TRIM49C: variants seen among roughly 807,000 people sequenced by gnomAD.
TRIM49C encodes the protein tripartite motif-containing protein 49C.
In TRIM49C, 6 loss-of-function variants were observed where a neutral mutation model predicts 21.4. The observed-to-expected ratio is 0.28, with a 90% CI of 0.15 to 0.55. TRIM49C has a LOEUF of 0.55. Among genes scored for constraint, TRIM49C ranks in the 20% least tolerant of loss-of-function variants. TRIM49C has a pLI of 0.94. For missense variants in TRIM49C, 161 were observed against 442.4 expected (o/e 0.36, Z 5.71); for synonymous variants, 57 against 148.1 (o/e 0.38, Z 4.47).
Position 90,041,216 on chromosome 11 carries a change from A to G in TRIM49C, c.1025A>G (p.Tyr342Cys). Residue 342 changes from tyrosine (Y) to cysteine (C), a missense_variant, in exon 8 of 8, where the codon TAC (tyrosine) becomes TGC (cysteine). Coordinates refer to ENST00000448984, the MANE Select transcript of TRIM49C (RefSeq NM_001195234.1). ...GVQTFTSGKY[Y>C]WEVHVGDSWN... ...CAGACTTTCACCTCGGGCAAATATT[A>G]CTGGGAGGTCCATGTAGGGGACTCC... 6.3e-7 allele frequency: 1 copy of G among 1,593,346 alleles called. No homozygotes were observed. The highest frequency in any genetic ancestry group is 8.6e-7 in the Non-Finnish European group (1 of 1,168,954).
the TRIM49C span, among the ~76,000 whole-genome samples, chr11:90,055,956 CTTT>C: frequency 4.1e-5 from 4 of 97,846 alleles, no homozygotes; most frequent in African/African-American, 3.9e-5. Flanking sequence ...CATCTGGATT[CTTT>C]TTTTTTTTTT....
chr11:90,065,568 T>C, the TRIM49C span, among the ~76,000 whole-genome samples: 1 of 140,266 alleles, frequency 7.1e-6, no homozygotes, highest in Non-Finnish European at 1.5e-5. Flanking sequence ...ATTAGGTTTA[T>C]AAGGTATTGA....
chr11:90,062,904 T>G, the TRIM49C span: 1 of 1,425,852 alleles, frequency 7.0e-7, no homozygotes, highest in Non-Finnish European at 9.3e-7. Flanking sequence ...GCAAAAGCTG[T>G]GCCCACAGTC....
intron 3 of TRIM49C, 45 bp from the exon 4 acceptor site, chr11:90,035,843 A>G: frequency 1.8e-6 from 1 of 556,304 alleles, no homozygotes. Flanking sequence ...CCCCCTCCCT[A>G]TGTCATGGTC....
intron 2 of TRIM49C, 77 bp from the exon 3 acceptor site, chr11:90,035,131 T>C (rs1266514667): frequency 6.5e-7 from 1 of 1,543,804 alleles, no homozygotes; most frequent in Non-Finnish European, 8.8e-7. Flanking sequence ...AAAATATAAC[T>C]ATCACATATC....
At chr11:90,062,739 C>T in the TRIM49C span, 5 of 1,486,012 alleles carry the variant, frequency 3.4e-6, no homozygotes, top group South Asian at 1.2e-5. Context: ...ATTGTCTGAG[C>T]TGTTGATGTT....
At chr11:90,056,082 C>T in the TRIM49C span, among the ~76,000 whole-genome samples, 2 of 134,778 alleles carry the variant, frequency 1.5e-5, no homozygotes, top group Non-Finnish European at 3.2e-5. Flanking sequence ...CCTCAGCCTC[C>T]CGAGTAGCTG....
chr11:90,071,064 G>A, the TRIM49C span: 1 of 476,628 alleles, frequency 2.1e-6, no homozygotes, highest in African/African-American at 2.0e-5. Flanking sequence ...CCAAAGTGGT[G>A]GGATTACAGG....
the TRIM49C span, chr11:90,062,460 A>T: frequency 1.8e-6 from 2 of 1,081,934 alleles, no homozygotes; most frequent in African/African-American, 3.7e-5. Context: ...GGACACATTC[A>T]TGTGTTATGA....
the TRIM49C span, among the ~76,000 whole-genome samples, chr11:90,069,194 T>C: frequency 7.7e-6 from 1 of 129,680 alleles, no homozygotes; most frequent in African/African-American, 3.1e-5. Context: ...AAGCTCCGCC[T>C]CCCGGGTTCA....
At chr11:90,070,588 C>T in the TRIM49C span, among the ~76,000 whole-genome samples, 119 of 139,586 alleles carry the variant, frequency 8.5e-4, 14 homozygotes, top group Non-Finnish European at 1.2e-3. Flanking sequence ...TGACACTCCT[C>T]TCCATGAGCG....
chr11:90,039,258 A>C (rs1950751358), intron 6 of TRIM49C, among the ~76,000 whole-genome samples: 1 of 127,962 alleles, frequency 7.8e-6, no homozygotes, highest in Non-Finnish European at 1.6e-5. Context: ...GCACAGGAGA[A>C]AGATAAGAGT....
At chr11:90,062,779 A>C in the TRIM49C span, 43,782 of 1,320,772 alleles carry the variant, frequency 0.033, 5,864 homozygotes, top group African/African-American at 0.079. Flanking sequence ...GCTAGGGAAG[A>C]CAGCTTTTTG....
At chr11:90,056,202 C>T in the TRIM49C span, among the ~76,000 whole-genome samples, 1 of 137,416 alleles carries the variant, frequency 7.3e-6, no homozygotes, top group African/African-American at 2.6e-5. Flanking sequence ...CCTTGTGATC[C>T]GCCCGCCTCG....
the TRIM49C span, chr11:90,071,836 A>G: frequency 2.6e-6 from 2 of 777,096 alleles, no homozygotes; most frequent in Non-Finnish European, 2.0e-6. Flanking sequence ...CAATGCCTTC[A>G]GTTATGGTTT....
At chr11:90,031,848 C>G (rs552827300) in intron 1 of TRIM49C, among the ~76,000 whole-genome samples, 1 of 142,200 alleles carries the variant, frequency 7.0e-6, no homozygotes, top group South Asian at 2.4e-4. Flanking sequence ...AGCATTTAAG[C>G]TGGATGAGGT....
chr11:90,045,683 G>A (rs1252536949), downstream of TRIM49C, among the ~76,000 whole-genome samples: 2 of 88,618 alleles, frequency 2.3e-5, no homozygotes, highest in Admixed American at 1.5e-4. Flanking sequence ...GGGCTGAGAC[G>A]ATGGGGTTTT....
At chr11:90,070,988 G>A in the TRIM49C span, 1 of 381,542 alleles carries the variant, frequency 2.6e-6, no homozygotes, top group Non-Finnish European at 5.0e-6. Context: ...TAGGGATGGG[G>A]ATTTGCCATG....
chr11:90,037,194 C>A (rs1950734942), intron 4 of TRIM49C, among the ~76,000 whole-genome samples: 1 of 135,136 alleles, frequency 7.4e-6, no homozygotes, highest in South Asian at 2.5e-4. Flanking sequence ...GCCGGAGGAA[C>A]CACAAAGAAG....
Sources: gnomAD v4.1 joint callset for allele counts (sites outside exome capture counted in the v4.1 genomes callset) on GRCh38, gnomAD v4.1.1 for gene constraint, MANE v1.5 for transcripts, NCBI Gene and HGNC (gene_info 2026-07-23, HGNC 2026-07-21) for gene names.